Variants in USP49 observed in about 807,000 individuals in gnomAD.
The protein encoded by USP49 is ubiquitin carboxyl-terminal hydrolase 49.
In USP49, 24 loss-of-function variants were observed where a neutral mutation model predicts 58.6. The observed-to-expected ratio is 0.41, with a 90% CI of 0.30 to 0.58. The LOEUF is 0.58. Among genes scored for constraint, USP49 ranks in the 20% least tolerant of loss-of-function variants. The pLI, the probability that USP49 is intolerant of heterozygous loss-of-function variation, is 0.30. For synonymous variants in USP49, 408 were observed against 365.1 expected, an observed-to-expected ratio of 1.12 and a Z score of -1.34; for missense variants, 703 against 866.1, an observed-to-expected ratio of 0.81 and a Z score of 2.36.
chr6:41,813,405 T>C (rs1217112550), intron 3 of USP49, among the ~76,000 whole-genome samples: 1 of 152,058 alleles, frequency 6.6e-6, no homozygotes, highest in African/African-American at 2.4e-5. Flanking sequence ...TAAATGAATA[T>C]AGCAACACCA....
intron 3 of USP49, among the ~76,000 whole-genome samples, chr6:41,830,704 G>A (rs369542131): frequency 1.7e-4 from 26 of 152,016 alleles, no homozygotes; most frequent in Middle Eastern, 3.4e-3. Context: ...GTGCATACCT[G>A]TAATCCCACT....
At chr6:41,864,875 C>T (rs1223206743) in intron 3 of USP49, among the ~76,000 whole-genome samples, 1 of 151,926 alleles carries the variant, frequency 6.6e-6, no homozygotes, top group African/African-American at 2.4e-5. Flanking sequence ...TCTAATGAGC[C>T]AAGTCATATC....
rs1772786062 is a variant in USP49 at position 41,790,903 on chromosome 6, G to C, written c.*5630C>G. The C allele has an allele frequency of 6.6e-6, 1 of 152,122 alleles. No individual in the cohort carries two copies. The highest frequency in any genetic ancestry group is 1.5e-5 in the Non-Finnish European group (1 of 68,032). 9.4% of individuals were successfully genotyped at this position (152,122 alleles called of 1,614,324 possible). A position where few individuals can be genotyped will look rare whatever the true frequency, so the allele number is the denominator to read the frequency against. ...AAGGGTCACATGAGAGCAAAGCTTA[G>C]CTTTGAAGCCATCACCTCCCAAATG... is the stretch of plus-strand genomic sequence containing the variant. On this transcript the variant is annotated 3_prime_UTR_variant, in exon 8 of 8. Transcript: ENST00000682992.
At chr6:41,830,679 T>G (rs563927090) in intron 3 of USP49, among the ~76,000 whole-genome samples, 2 of 151,628 alleles carry the variant, frequency 1.3e-5, no homozygotes, top group East Asian at 3.9e-4. Context: ...ATACAAAAAT[T>G]AGCTGGGCAT....
chr6:41,878,757 T>C (rs1358052782), intron 2 of USP49, among the ~76,000 whole-genome samples: 1 of 152,232 alleles, frequency 6.6e-6, no homozygotes, highest in African/African-American at 2.4e-5. Context: ...TTTATTATAC[T>C]TCCTCCTAGA....
intron 3 of USP49, among the ~76,000 whole-genome samples, chr6:41,850,609 CT>C (rs1392306401): frequency 2.2e-3 from 304 of 141,138 alleles, no homozygotes; most frequent in Middle Eastern, 3.7e-3. Context: ...TGGATAAATT[CT>C]TTTTTTTTTT....
At chr6:41,846,741 T>C (rs1378602422) in intron 3 of USP49, among the ~76,000 whole-genome samples, 1 of 151,716 alleles carries the variant, frequency 6.6e-6, no homozygotes. Flanking sequence ...TCTTCCTATG[T>C]AGCATAGCAC....
In USP49 at chr6:41,791,774, T is replaced by C. The variant is rs1772801912; in HGVS notation, c.*4759A>G. On this transcript the variant is annotated 3_prime_UTR_variant, in exon 8 of 8. Transcript: ENST00000682992. ...AATAAGTACATAGTAATTAAAGTCA[T>C]AGTCCTGGCCCAACAGAACAGTTAC... is the stretch of plus-strand genomic sequence containing the variant. The C allele has an allele frequency of 6.6e-6, 1 of 152,232 alleles. No homozygotes were observed. The highest frequency in any genetic ancestry group is 1.9e-4 in the East Asian group (1 of 5,200). The allele number at this position is 152,232 out of a possible 1,614,324, so 9.4% of individuals were successfully genotyped here.
chr6:41,806,050 C>T lies in USP49; in HGVS notation c.934G>A (p.Ala312Thr). The change falls in exon 4 of 8, where the codon GCC (alanine) becomes ACC (threonine). Residue 312 changes from alanine to threonine, a missense_variant. By Grantham distance (58) the Ala-to-Thr change is moderately conservative (BLOSUM62 0). Coordinates refer to ENST00000682992, the MANE Select transcript of USP49 (RefSeq NM_001286554.2). This position sits in a 1 kb window ranked among gnomAD's most constrained non-coding sequence, Gnocchi z 5.9. The part of the protein sequence containing the change: ...QLSGKPTNSS[A>T]TELSLRNDRA... ...TCATTTCTCAAGGACAGCTCCGTGG[C>T]CGAGCTGTTGGTTGGCTTGCCAGAA... is the stretch of plus-strand genomic sequence containing the variant. 6.2e-7 allele frequency: 1 copy of T among 1,614,036 alleles called. No homozygotes were observed. The highest frequency in any genetic ancestry group is 1.1e-5 in the South Asian group (1 of 91,080).
intron 4 of USP49, 43 bp from the exon 5 acceptor site, chr6:41,804,053 C>T (rs1406357151): frequency 1.3e-6 from 2 of 1,582,664 alleles, no homozygotes; most frequent in African/African-American, 1.3e-5. Context: ...AACTTCCATG[C>T]TTCCTGTGTA....
chr6:41,855,080 C>T (rs970972064), intron 3 of USP49, among the ~76,000 whole-genome samples: 4 of 151,660 alleles, frequency 2.6e-5, no homozygotes, highest in African/African-American at 9.7e-5. Flanking sequence ...GGCAGGAGAG[C>T]CTTTTAATCT....
chr6:41,864,524 C>T (rs1774277424), intron 3 of USP49, among the ~76,000 whole-genome samples: 1 of 152,174 alleles, frequency 6.6e-6, no homozygotes. Flanking sequence ...GATCGCGCCA[C>T]TACACTCCAG....
chr6:41,851,948 G>A (rs984364517), intron 3 of USP49, among the ~76,000 whole-genome samples: 6 of 76,672 alleles, frequency 7.8e-5, no homozygotes, highest in Admixed American at 5.8e-4. Flanking sequence ...AGCGAGACTC[G>A]TCTCAAAAAA....
Position 41,791,279 on chromosome 6 carries a change from T to A in USP49, c.*5254A>T, listed in dbSNP as rs1285376224. ...AGGATTCATTTATTTATTTATTAAA[T>A]TTTTATACATTTTTGAAAAGATTTC... On this transcript the variant is annotated 3_prime_UTR_variant, in exon 8 of 8. Coordinates refer to ENST00000682992, the MANE Select transcript of USP49 (RefSeq NM_001286554.2). The A allele has an allele frequency of 1.3e-5, 2 of 152,236 alleles. No homozygotes were observed. The highest frequency in any genetic ancestry group is 2.9e-5 in the Non-Finnish European group (2 of 68,038). 9.4% of individuals were successfully genotyped at this position (152,236 alleles called of 1,614,324 possible).
chr6:41,883,572 A>C (rs1345256913), intron 2 of USP49, among the ~76,000 whole-genome samples: 1 of 151,892 alleles, frequency 6.6e-6, no homozygotes, highest in African/African-American at 2.4e-5. Context: ...AGCTGGAACC[A>C]AGATCATGCC....
rs930596332 is a variant in USP49, at chr6:41,796,232, T to C, written c.*301A>G. 6 of 283,738 alleles carry C rather than the reference T, an allele frequency of 2.1e-5. No homozygotes were observed. Among genetic ancestry groups the C allele is most frequent in the Admixed American group, 1.3e-4 (3 of 22,334 alleles). The allele number at this position is 283,738 out of a possible 1,614,324, so 17.6% of individuals were successfully genotyped here. ...TGGCTGCTCTCCTGTGTGGATATGA[T>C]TGATTTACCCCCCCGCCCCGCTTTC... is the stretch of plus-strand genomic sequence containing the variant. On this transcript the variant is annotated 3_prime_UTR_variant, in exon 8 of 8. Transcript: ENST00000682992.
chr6:41,875,506 G>C (rs565817382), intron 2 of USP49, among the ~76,000 whole-genome samples: 1 of 152,260 alleles, frequency 6.6e-6, no homozygotes, highest in South Asian at 2.1e-4. Context: ...GTCCTTAGTA[G>C]GTGCTTCAAT....
At chr6:41,867,890 A>T (rs927691037) in intron 3 of USP49, among the ~76,000 whole-genome samples, 4 of 152,240 alleles carry the variant, frequency 2.6e-5, no homozygotes, top group African/African-American at 9.6e-5. Context: ...GTCAAGAAAA[A>T]TAATTATTTA....
chr6:41,835,871 C>T (rs908567840), intron 3 of USP49, among the ~76,000 whole-genome samples: 1 of 151,846 alleles, frequency 6.6e-6, no homozygotes, highest in Non-Finnish European at 1.5e-5. Flanking sequence ...TCCAGAAGTT[C>T]AAGATCAGCC....
Sources: gnomAD v4.1 joint callset for allele counts (sites outside exome capture counted in the v4.1 genomes callset) on GRCh38, gnomAD v4.1.1 for gene constraint, Gnocchi (gnomAD v3.1) non-coding constraint, MANE v1.5 for transcripts, NCBI Gene and HGNC (gene_info 2026-07-23, HGNC 2026-07-21) for gene names.